The following RBFOX1 variants were observed in gnomAD, a reference collection of about 807,000 sequenced individuals.
RBFOX1 encodes the protein RNA binding fox-1 homolog 1.
In RBFOX1, 8 loss-of-function variants were observed where a neutral mutation model predicts 57.7. That is an observed-to-expected ratio of 0.14 (90% CI 0.08 to 0.25). The LOEUF is 0.25. RBFOX1 is among the 10% of genes least tolerant of loss of function. RBFOX1 has a pLI of 1.00. For missense variants in RBFOX1, 611 were observed against 548.5 expected (o/e 1.11, Z -1.14); for synonymous variants, 326 against 222.4 (o/e 1.47, Z -4.15).
At chr16:6,679,942 G>A (rs868284006) in intron 3 of RBFOX1, among the ~76,000 whole-genome samples, 2 of 131,126 alleles carry the variant, frequency 1.5e-5, no homozygotes, top group African/African-American at 6.0e-5. Flanking sequence ...GTCTCATGGA[G>A]TTCTTTAAAG....
Position 6,208,956 on chromosome 16 carries a change from A to AT in RBFOX1, c.-126-108029dup, listed in dbSNP as rs371331406. Among the ~76,000 whole-genome samples, 240 of 145,220 alleles carry AT rather than the reference A, an allele frequency of 1.7e-3. 2 individuals are homozygous for AT. Among genetic ancestry groups the AT allele is most frequent in the Middle Eastern group, 0.011 (3 of 282 alleles). On this transcript the variant is annotated intron_variant, in intron 1 of 15. Transcript: ENST00000550418. ...TGTGTTACACTTGCTCACTTCCCCC[A>AT]TTTTTTTTTTGTGACCCAACTGGGT...
At chr16:6,656,274 T>C (rs1366748295) in intron 3 of RBFOX1, among the ~76,000 whole-genome samples, 1 of 152,216 alleles carries the variant, frequency 6.6e-6, no homozygotes, top group East Asian at 1.9e-4. Flanking sequence ...TGGACTTTTA[T>C]GGAATTCATC....
At chr16:5,873,348 C>T (rs2057524979) in intron 4 of RBFOX1, among the ~76,000 whole-genome samples, 2 of 152,196 alleles carry the variant, frequency 1.3e-5, no homozygotes, top group South Asian at 2.1e-4. Context: ...CTTGTCTCCA[C>T]CCAAGGACAA....
chr16:7,047,639 CTT>C (rs1248012619), intron 3 of RBFOX1, among the ~76,000 whole-genome samples: 8 of 133,540 alleles, frequency 6.0e-5, no homozygotes, highest in African/African-American at 2.2e-4. Flanking sequence ...GCAGTGAACT[CTT>C]TATCCTTATA....
At chr16:7,079,223 TG>T (rs2058783600) in intron 4 of RBFOX1, among the ~76,000 whole-genome samples, 1 of 152,162 alleles carries the variant, frequency 6.6e-6, no homozygotes, top group South Asian at 2.1e-4. Flanking sequence ...ATATGTTTAT[TG>T]GCCAAACCCA....
chr16:7,422,677 G>A (rs1056710285), intron 4 of RBFOX1: 2 of 152,200 alleles, frequency 1.3e-5, no homozygotes, highest in Non-Finnish European at 2.9e-5. Flanking sequence ...GCATGGGGAG[G>A]ATTGGCTGAG....
At chr16:6,144,041 C>G (rs2096739552) in intron 1 of RBFOX1, among the ~76,000 whole-genome samples, 1 of 151,420 alleles carries the variant, frequency 6.6e-6, no homozygotes, top group African/African-American at 2.4e-5. Flanking sequence ...TCCAGTGATC[C>G]TCTTGCCTCA....
intron 2 of RBFOX1, among the ~76,000 whole-genome samples, chr16:6,589,941 C>T (rs1443624943): frequency 6.6e-6 from 1 of 152,084 alleles, no homozygotes; most frequent in Non-Finnish European, 1.5e-5. Context: ...ACATCATGAG[C>T]TTGAAGAAAA....
At chr16:7,625,266 T>C (rs1043135288) in intron 10 of RBFOX1, among the ~76,000 whole-genome samples, 2 of 152,076 alleles carry the variant, frequency 1.3e-5, no homozygotes, top group African/African-American at 2.4e-5. Flanking sequence ...AATCGCCACA[T>C]TGAGTGAACC....
intron 2 of RBFOX1, chr16:6,483,819 G>A (rs944394033): frequency 3.1e-5 from 42 of 1,349,120 alleles, no homozygotes; most frequent in Non-Finnish European, 3.7e-5. Context: ...CGGGGCTGCT[G>A]ATTAGAATAG....
chr16:5,731,258 C>T (rs2052362944), intron 3 of RBFOX1, among the ~76,000 whole-genome samples: 1 of 152,108 alleles, frequency 6.6e-6, no homozygotes, highest in African/African-American at 2.4e-5. Context: ...TCTCCACCAG[C>T]ACGATAATGG....
At chr16:6,287,237 G>T (rs2076991439) in intron 1 of RBFOX1, among the ~76,000 whole-genome samples, 1 of 152,146 alleles carries the variant, frequency 6.6e-6, no homozygotes, top group South Asian at 2.1e-4. Context: ...AAGTGGGTTA[G>T]GGGAACACAG....
intron 14 of RBFOX1, among the ~76,000 whole-genome samples, chr16:7,693,570 A>T (rs1483224892): frequency 6.6e-6 from 1 of 152,000 alleles, no homozygotes; most frequent in Non-Finnish European, 1.5e-5. Context: ...GCTAACTTTG[A>T]TGTTTTATTT....
At chr16:5,378,474 C>T (rs1163325167) in intron 1 of RBFOX1, among the ~76,000 whole-genome samples, 13 of 151,506 alleles carry the variant, frequency 8.6e-5, no homozygotes, top group Non-Finnish European at 8.8e-5. Flanking sequence ...TTGCTAGGGG[C>T]ACCCTAGCAA....
At chr16:6,000,896 G>T (rs2060587718) in intron 4 of RBFOX1, among the ~76,000 whole-genome samples, 1 of 144,452 alleles carries the variant, frequency 6.9e-6, no homozygotes, top group African/African-American at 2.6e-5. Context: ...TAGGTAGGTA[G>T]GTGGGTGGGT....
chr16:7,227,905 C>A (rs1467295198), intron 4 of RBFOX1, among the ~76,000 whole-genome samples: 1 of 152,194 alleles, frequency 6.6e-6, no homozygotes, highest in Non-Finnish European at 1.5e-5. Flanking sequence ...GTTATCCTTT[C>A]CCTTCTAGCA....
chr16:6,002,970 G>T (rs968640939), intron 4 of RBFOX1, among the ~76,000 whole-genome samples: 3 of 152,080 alleles, frequency 2.0e-5, no homozygotes, highest in African/African-American at 7.2e-5. Flanking sequence ...AATTTTCCTC[G>T]TTGGGGGACA....
intron 3 of RBFOX1, among the ~76,000 whole-genome samples, chr16:6,816,391 TTTG>T (rs1203422952): frequency 6.6e-6 from 1 of 152,090 alleles, no homozygotes; most frequent in Non-Finnish European, 1.5e-5. Context: ...AATCTTCGGT[TTTG>T]TTGTTGCCAG....
intron 1 of RBFOX1, among the ~76,000 whole-genome samples, chr16:6,050,914 G>A (rs191934549): frequency 4.7e-5 from 7 of 150,370 alleles, no homozygotes; most frequent in East Asian, 4.0e-4. Flanking sequence ...ATCATCAACC[G>A]GTGAGAGCTT....
Sources: allele counts gnomAD v4.1 joint callset (sites outside exome capture counted in the v4.1 genomes callset), GRCh38; gene constraint gnomAD v4.1.1; transcripts MANE v1.5; gene names NCBI Gene and HGNC (gene_info 2026-07-23, HGNC 2026-07-21).